Variants in SHANK2 observed in about 807,000 individuals in gnomAD.
SHANK2 encodes SH3 and multiple ankyrin repeat domains 2.
A neutral mutation model predicts 133.7 loss-of-function variants in SHANK2; 43 were observed. The observed-to-expected ratio is 0.32, with a 90% CI of 0.25 to 0.41. The LOEUF (loss-of-function observed/expected upper bound fraction) is 0.41. Among genes scored for constraint, SHANK2 ranks in the 10% least tolerant of loss-of-function variants. The probability of loss-of-function intolerance (pLI) is 1.00; values close to 1 mark genes in which losing one functional copy is unlikely to be tolerated. For missense variants in SHANK2, 1,994 were observed against 2,235.8 expected (o/e 0.89, Z 2.18); for synonymous variants, 1,017 against 952.8 (o/e 1.07, Z -1.24).
chr11:70,755,016 C>T (rs1946835551), intron 14 of SHANK2, among the ~76,000 whole-genome samples: 1 of 151,750 alleles, frequency 6.6e-6, no homozygotes, highest in African/African-American at 2.4e-5. Flanking sequence ...AGCAAGATCC[C>T]AGAAGTACTT....
At chr11:70,745,239 C>A (rs1440319887) in intron 14 of SHANK2, among the ~76,000 whole-genome samples, 4 of 152,252 alleles carry the variant, frequency 2.6e-5, no homozygotes, top group African/African-American at 7.2e-5. Flanking sequence ...TCCCTCACTG[C>A]CTGCCTTTGA....
chr11:70,589,026 C>G (rs982334122), intron 17 of SHANK2, among the ~76,000 whole-genome samples: 15 of 152,170 alleles, frequency 9.9e-5, no homozygotes, highest in Admixed American at 7.9e-4. Context: ...ACTGTGTTAG[C>G]CAGGATGGTC....
At chr11:70,823,508 C>G (rs1226158674) in intron 11 of SHANK2, among the ~76,000 whole-genome samples, 1 of 121,204 alleles carries the variant, frequency 8.3e-6, no homozygotes, top group African/African-American at 3.3e-5. Flanking sequence ...ATTGGCAGAA[C>G]TCATGAGGGA....
At chr11:71,062,334 A>G (rs897322411) in intron 9 of SHANK2, among the ~76,000 whole-genome samples, 47 of 152,260 alleles carry the variant, frequency 3.1e-4, no homozygotes, top group Middle Eastern at 3.4e-3. Context: ...AAGAGAGAAA[A>G]CGAAGAGGAG....
At chr11:71,124,647 G>A (rs748547366) in intron 3 of SHANK2, among the ~76,000 whole-genome samples, 3 of 152,088 alleles carry the variant, frequency 2.0e-5, no homozygotes, top group Non-Finnish European at 4.4e-5. Flanking sequence ...AGCAGTAGAG[G>A]TTTGGTTTAA....
Position 71,177,196 on chromosome 11 carries a change from AG to A in SHANK2, c.-12-29859del, listed in dbSNP as rs546701632. Among the ~76,000 whole-genome samples, 774 of 152,322 alleles carry A rather than the reference AG, an allele frequency of 5.1e-3. 3 individuals are homozygous for A. The highest frequency in any genetic ancestry group is 7.8e-3 in the Non-Finnish European group (532 of 68,016). The stretch of plus-strand genomic sequence containing the variant: ...TGTTAATAGAAATTCTTGAGGCAGA[AG>A]AAAATGATACCAGATAAAAATATGA... On this transcript the variant is annotated intron_variant, in intron 2 of 25. Transcript: ENST00000601538.
At chr11:70,509,742 G>A (rs540789816) in intron 17 of SHANK2, among the ~76,000 whole-genome samples, 1 of 151,546 alleles carries the variant, frequency 6.6e-6, no homozygotes, top group African/African-American at 2.4e-5. Flanking sequence ...TACATCATGA[G>A]GCGGAGCCTT....
chr11:71,174,311 G>A (rs1220853841), intron 2 of SHANK2, among the ~76,000 whole-genome samples: 5 of 152,080 alleles, frequency 3.3e-5, no homozygotes, highest in Non-Finnish European at 5.9e-5. Flanking sequence ...AGGCTGAGGC[G>A]GGAGGATCAT....
At chr11:70,945,283 T>C (rs1368939557) in intron 10 of SHANK2, among the ~76,000 whole-genome samples, 1 of 152,040 alleles carries the variant, frequency 6.6e-6, no homozygotes. Flanking sequence ...GGGGTGAGCA[T>C]GTGTTTCCTG....
chr11:70,654,235 G>A (rs1239885107), intron 17 of SHANK2: 4 of 152,206 alleles, frequency 2.6e-5, no homozygotes, highest in Non-Finnish European at 4.4e-5. Flanking sequence ...TGCAGCAGGC[G>A]GGTAAGGAAT....
chr11:70,532,427 G>C (rs1307128933), intron 17 of SHANK2, among the ~76,000 whole-genome samples: 1 of 152,164 alleles, frequency 6.6e-6, no homozygotes, highest in Non-Finnish European at 1.5e-5. Flanking sequence ...CAAAGGTATT[G>C]TGGGCTCACA....
chr11:70,734,967 C>A (rs1431574742), intron 14 of SHANK2, among the ~76,000 whole-genome samples: 1 of 152,216 alleles, frequency 6.6e-6, no homozygotes, highest in African/African-American at 2.4e-5. Flanking sequence ...TTCTGGGTTG[C>A]CCTGGAGACG....
chr11:70,941,405 G>A (rs574450016), intron 10 of SHANK2, among the ~76,000 whole-genome samples: 3 of 152,254 alleles, frequency 2.0e-5, no homozygotes, highest in South Asian at 2.1e-4. Flanking sequence ...GAAGCATTAC[G>A]GTAAACTGAG....
chr11:70,796,400 C>T lies in SHANK2; in HGVS notation c.1777+2043G>A, dbSNP rs138610716. 1.8e-4 allele frequency among the ~76,000 whole-genome samples: 27 copies of T among 152,298 alleles called. No individual in the cohort carries two copies. In the East Asian group the frequency reaches 3.9e-3, roughly 22 times the overall value. On this transcript the variant is annotated intron_variant, in intron 14 of 25. Transcript: ENST00000601538. ...CAGGTGTGGCATAGCCAACAAAGCCCGGTGCTGGCACAGTTGAGTCCTTCC... is the reference window on the plus strand; with the variant it reads ...CAGGTGTGGCATAGCCAACAAAGCCTGGTGCTGGCACAGTTGAGTCCTTCC...
chr11:70,623,366 T>C (rs1323698068), intron 17 of SHANK2, among the ~76,000 whole-genome samples: 9 of 152,344 alleles, frequency 5.9e-5, no homozygotes, highest in African/African-American at 1.9e-4. Context: ...AGCTATTGCT[T>C]ATGCTCCACG....
At chr11:71,143,181 G>A (rs1293767635) in intron 3 of SHANK2, among the ~76,000 whole-genome samples, 2 of 152,216 alleles carry the variant, frequency 1.3e-5, no homozygotes, top group Non-Finnish European at 2.9e-5. Flanking sequence ...GTTGCAGTAA[G>A]AAGAAATCAC....
chr11:70,863,396 G>A (rs934240606), intron 11 of SHANK2: 31 of 457,802 alleles, frequency 6.8e-5, no homozygotes, highest in Non-Finnish European at 1.3e-4. Context: ...GGCCCTGTCT[G>A]GACGAGCCCC....
At position 70,487,029 on chromosome 11, in the gene SHANK2, G is replaced by T; in HGVS notation, c.3264C>A (p.Asp1088Glu). 6.2e-7 allele frequency: 1 copy of T among 1,609,388 alleles called. No homozygotes were observed. The change falls in exon 25 of 26, where the codon GAC becomes GAA. Residue 1088 changes from aspartate (D) to glutamate (E), a missense_variant. Coordinates refer to ENST00000601538, the MANE Select transcript of SHANK2 (RefSeq NM_012309.5). This position sits in a 1 kb window ranked among gnomAD's most constrained non-coding sequence, Gnocchi z 5.8. The part of the protein sequence containing the change: ...FAAAIAGAVR[D>E]REKRLEARRN... ...TCCTGGCTTCCAGCCGCTTCTCACG[G>T]TCGCGGACGGCTCCGGCGATGGCGG...
chr11:70,872,616 G>C (rs1343451061), intron 11 of SHANK2, among the ~76,000 whole-genome samples: 2 of 151,976 alleles, frequency 1.3e-5, no homozygotes, highest in African/African-American at 2.4e-5. Context: ...CCACAGACCA[G>C]AGTCAGGGGC....
Sources: allele counts gnomAD v4.1 joint callset (sites outside exome capture counted in the v4.1 genomes callset), GRCh38; gene constraint gnomAD v4.1.1; non-coding constraint Gnocchi (gnomAD v3.1); transcripts MANE v1.5; gene names NCBI Gene and HGNC (gene_info 2026-07-23, HGNC 2026-07-21).